Variants in TLE2 observed in about 807,000 individuals in gnomAD.
TLE2 encodes TLE family member 2, transcriptional corepressor, also known as transducin-like enhancer protein 2.
Under a neutral mutation model 97.2 loss-of-function variants are expected in TLE2, and 74 were observed. The ratio of observed to expected loss-of-function variants is 0.76; its 90% CI spans 0.63 to 0.92. The LOEUF (loss-of-function observed/expected upper bound fraction) is 0.92, where lower values mean the gene tolerates loss of function less well. TLE2 is among the 40% of genes least tolerant of loss of function. The pLI, the probability that TLE2 is intolerant of heterozygous loss-of-function variation, is 0.00. For synonymous variants in TLE2, 499 were observed against 432.1 expected (o/e 1.15, Z -1.92); for missense variants, 1,038 against 1,008.7 (o/e 1.03, Z -0.39).
At chr19:3,010,388 A>C (rs2089571156) in intron 12 of TLE2, among the ~76,000 whole-genome samples, 1 of 151,218 alleles carries the variant, frequency 6.6e-6, no homozygotes, top group Admixed American at 6.6e-5. Flanking sequence ...AAAAAAAAAC[A>C]AAACCCAGGC....
At chr19:3,025,229 G>A in intron 4 of TLE2, 147 bp from the exon 5 acceptor site, 2 of 1,082,280 alleles carry the variant, frequency 1.8e-6, no homozygotes, top group Non-Finnish European at 2.6e-6. Flanking sequence ...GGCTAGCATG[G>A]CATGGGCCGA....
intron 10 of TLE2, among the ~76,000 whole-genome samples, chr19:3,014,172 A>T (rs1599217859): frequency 6.6e-6 from 1 of 152,208 alleles, no homozygotes; most frequent in East Asian, 1.9e-4. Flanking sequence ...CATTCGCCTC[A>T]GCCTCCCAAA....
chr19:3,021,829 C>T (rs2089850587), intron 5 of TLE2, among the ~76,000 whole-genome samples: 1 of 152,130 alleles, frequency 6.6e-6, no homozygotes, highest in Non-Finnish European at 1.5e-5. Flanking sequence ...GTGATTTGCC[C>T]CCCTCAGCCT....
intron 19 of TLE2, among the ~76,000 whole-genome samples, chr19:2,999,739 A>AG (rs1568228546): frequency 2.8e-5 from 2 of 70,972 alleles, no homozygotes; most frequent in Non-Finnish European, 5.1e-5. Context: ...AAAAAAAAAA[A>AG]GAAAGAAAAA....
chr19:3,034,306 T>C (rs1223333588), intron 1 of TLE2, among the ~76,000 whole-genome samples: 1 of 151,430 alleles, frequency 6.6e-6, no homozygotes, highest in Non-Finnish European at 1.5e-5. Context: ...TTGTTTTTGG[T>C]GATCTTCAAT....
intron 12 of TLE2, 55 bp from the exon 13 acceptor site, chr19:3,009,757 C>G: frequency 1.3e-6 from 2 of 1,545,374 alleles, no homozygotes; most frequent in East Asian, 2.4e-5. Flanking sequence ...GATCCCGCCT[C>G]CCACTGCCTT....
chr19:3,025,486 G>A (rs887364165), intron 4 of TLE2: 19 of 1,015,386 alleles, frequency 1.9e-5, no homozygotes, highest in Middle Eastern at 9.7e-4. Context: ...TTCCAGCCCC[G>A]GCTTGGCCCA....
At chr19:3,033,220 T>C (rs1298460745), upstream of TLE2, among the ~76,000 whole-genome samples, 10 of 151,754 alleles carry the variant, frequency 6.6e-5, no homozygotes, top group African/African-American at 2.4e-4. Context: ...CAGGCTGGAG[T>C]GCAGTGGTGC....
chr19:3,046,129 A>G (rs968193350), upstream of TLE2, among the ~76,000 whole-genome samples: 2 of 152,222 alleles, frequency 1.3e-5, no homozygotes, highest in African/African-American at 4.8e-5. Context: ...CAGGAGACTC[A>G]GCTACAGCCC....
chr19:3,027,054 G>A (rs1349309553), intron 4 of TLE2, among the ~76,000 whole-genome samples: 1 of 151,796 alleles, frequency 6.6e-6, no homozygotes, highest in Non-Finnish European at 1.5e-5. Context: ...AGAAAACTGA[G>A]GTCAATCTCA....
intron 2 of TLE2, 130 bp from the exon 3 acceptor site, chr19:3,028,512 C>T (rs2089984416): frequency 5.6e-6 from 6 of 1,074,520 alleles, no homozygotes; most frequent in Non-Finnish European, 6.7e-6. Flanking sequence ...AGTCCCTCCC[C>T]GCCCCTTCCT....
intron 5 of TLE2, among the ~76,000 whole-genome samples, chr19:3,024,401 T>G (rs2145198013): frequency 6.6e-6 from 1 of 152,064 alleles, no homozygotes; most frequent in Non-Finnish European, 1.5e-5. Context: ...ATCTCCAGAA[T>G]TTTCCCATCT....
At chr19:3,042,793 CG>C (rs1489152776) in intron 1 of TLE2, among the ~76,000 whole-genome samples, 4 of 152,032 alleles carry the variant, frequency 2.6e-5, no homozygotes, top group Admixed American at 2.6e-4. Flanking sequence ...AGTACTAGCT[CG>C]GAAGTCGGTT....
chr19:2,998,298 G>C (rs1370149252), intron 19 of TLE2, among the ~76,000 whole-genome samples: 1 of 137,224 alleles, frequency 7.3e-6, no homozygotes, highest in Non-Finnish European at 1.5e-5. Context: ...TTTTTTGTGA[G>C]ACAGGGTCTA....
intron 11 of TLE2, among the ~76,000 whole-genome samples, chr19:3,011,388 C>T (rs1256589791): frequency 3.3e-5 from 5 of 151,338 alleles, no homozygotes; most frequent in African/African-American, 7.3e-5. Context: ...AAAGATTAGC[C>T]GGGCGTGGTG....
chr19:3,036,422 A>T (rs890639076), intron 1 of TLE2, among the ~76,000 whole-genome samples: 3 of 151,556 alleles, frequency 2.0e-5, no homozygotes, highest in Non-Finnish European at 4.4e-5. Flanking sequence ...ATTACAGCCC[A>T]TTGATCCGAC....
At chr19:3,002,261 T>G in intron 18 of TLE2, 92 bp downstream of exon 18, 3 of 1,386,320 alleles carry the variant, frequency 2.2e-6, no homozygotes, top group Non-Finnish European at 2.9e-6. Flanking sequence ...ATAAATAACA[T>G]TATTTGTTAT....
At chr19:3,028,468 A>T in intron 2 of TLE2, 86 bp from the exon 3 acceptor site, 1 of 1,364,226 alleles carries the variant, frequency 7.3e-7, no homozygotes, top group Non-Finnish European at 1.0e-6. Context: ...CCCCCTCCCG[A>T]CTTCCTTACA....
At chr19:3,018,413 C>T (rs62125446) in intron 7 of TLE2, among the ~76,000 whole-genome samples, 2 of 151,834 alleles carry the variant, frequency 1.3e-5, no homozygotes, top group African/African-American at 4.8e-5. Context: ...TTGCCTCAGC[C>T]TCCCGAGTAG....
Sources: allele counts gnomAD v4.1 joint callset (sites outside exome capture counted in the v4.1 genomes callset), GRCh38; gene constraint gnomAD v4.1.1; transcripts MANE v1.5; gene names NCBI Gene and HGNC (gene_info 2026-07-23, HGNC 2026-07-21).